ADAM22: variants seen among roughly 807,000 people sequenced by gnomAD.
The protein encoded by ADAM22 is ADAM metallopeptidase domain 22, also known as disintegrin and metalloproteinase domain-containing protein 22.
Under a neutral mutation model 144.6 loss-of-function variants are expected in ADAM22, and 65 were observed. That is an observed-to-expected ratio of 0.45 (90% CI 0.37 to 0.55). The LOEUF is 0.55. Ranked by LOEUF, ADAM22 falls within the 20% of genes least tolerant of loss-of-function variation. ADAM22 has a pLI of 0.00. For synonymous variants in ADAM22, 391 were observed against 412.6 expected (o/e 0.95, Z 0.63); for missense variants, 974 against 1,184.9 (o/e 0.82, Z 2.61).
chr7:88,035,013 AGT>A (rs1473213453), intron 3 of ADAM22, among the ~76,000 whole-genome samples: 1 of 152,084 alleles, frequency 6.6e-6, no homozygotes, highest in Non-Finnish European at 1.5e-5. Flanking sequence ...TTCTTATGTA[AGT>A]GTTTTTCTGT....
chr7:87,934,282 C>CCG lies in ADAM22; in HGVS notation c.-181_-180dup, dbSNP rs1400633494. On this transcript the variant is annotated 5_prime_UTR_variant, in exon 1 of 32. Transcript: ENST00000413139. ...TCGCTCCCCCCGCCAGCGGAAGCGTCCGCGAAGCACAATGCAGCACTGAGC... is the reference window on the plus strand; with the variant it reads ...TCGCTCCCCCCGCCAGCGGAAGCGTCCGCGCGAAGCACAATGCAGCACTGAGC... The CCG allele has an allele frequency of 1.9e-6, 1 of 527,016 alleles. No homozygotes were observed. Among genetic ancestry groups the CCG allele is most frequent in the East Asian group, 3.5e-5 (1 of 28,414 alleles). 32.6% of individuals were successfully genotyped at this position (527,016 alleles called of 1,614,324 possible).
intron 3 of ADAM22, among the ~76,000 whole-genome samples, chr7:88,009,690 A>T (rs1317423983): frequency 1.3e-5 from 2 of 152,162 alleles, no homozygotes; most frequent in East Asian, 3.8e-4. Flanking sequence ...TTCTCTGCTT[A>T]TTATTTTAGA....
chr7:88,077,386 AACAGCTCCAGTCT>A (rs1245857226), intron 4 of ADAM22, among the ~76,000 whole-genome samples: 1 of 152,240 alleles, frequency 6.6e-6, no homozygotes, highest in East Asian at 1.9e-4. Context: ...GGCTGAATAG[AACAGCTCCAGTCT>A]ACAGCTCCCA....
chr7:88,021,198 A>G (rs1284285864), intron 3 of ADAM22, among the ~76,000 whole-genome samples: 3 of 152,188 alleles, frequency 2.0e-5, no homozygotes. Context: ...GTGAATCACA[A>G]GGAAATGGAA....
At chr7:88,050,805 A>G (rs1178568994) in intron 3 of ADAM22, among the ~76,000 whole-genome samples, 1 of 152,160 alleles carries the variant, frequency 6.6e-6, no homozygotes, top group East Asian at 1.9e-4. Context: ...CCCATTCTGT[A>G]GGTTGCCTGT....
intron 4 of ADAM22, among the ~76,000 whole-genome samples, chr7:88,081,430 C>A (rs1224524833): frequency 6.6e-6 from 1 of 152,144 alleles, no homozygotes; most frequent in Non-Finnish European, 1.5e-5. Flanking sequence ...AAAACCGGCA[C>A]AAGACAGGGA....
At chr7:88,130,871 G>C (rs957935564) in intron 10 of ADAM22, among the ~76,000 whole-genome samples, 1 of 152,056 alleles carries the variant, frequency 6.6e-6, no homozygotes, top group African/African-American at 2.4e-5. Flanking sequence ...ATGAGGCTGC[G>C]CTAGTACCTT....
chr7:88,135,573 A>G (rs758077258), intron 13 of ADAM22, among the ~76,000 whole-genome samples: 7 of 152,166 alleles, frequency 4.6e-5, no homozygotes, highest in Non-Finnish European at 7.4e-5. Flanking sequence ...TTCTACCAGA[A>G]ACCTTGGTGT....
intron 30 of ADAM22, among the ~76,000 whole-genome samples, chr7:88,192,816 A>C (rs752813238): frequency 6.6e-6 from 1 of 152,196 alleles, no homozygotes; most frequent in Non-Finnish European, 1.5e-5. Context: ...GAATAATTTC[A>C]TCCCTTCTGC....
chr7:88,093,656 G>T (rs1820522516), intron 4 of ADAM22, among the ~76,000 whole-genome samples: 2 of 151,836 alleles, frequency 1.3e-5, no homozygotes, highest in African/African-American at 4.8e-5. Flanking sequence ...AAGTGATTTT[G>T]CCACCTGAGT....
In ADAM22 at chr7:88,075,769, A is replaced by G. The variant is rs1401358872; in HGVS notation, c.390+77A>G. 4.6e-6 allele frequency: 5 copies of G among 1,095,128 alleles called. No homozygotes were observed. The African/African-American group carries it at 4.8e-5, about 10-fold the overall frequency. 67.8% of individuals were successfully genotyped at this position (1,095,128 alleles called of 1,614,324 possible). On this transcript the variant is annotated intron_variant, in intron 4 of 31. Coordinates refer to ENST00000413139, the MANE Select transcript of ADAM22 (RefSeq NM_001324418.2). ...CTACTGATTATTATTTTAATTTTCA[A>G]TGATATTTCTAATGTACAGTTTTGA...
intron 4 of ADAM22, among the ~76,000 whole-genome samples, chr7:88,076,029 T>A (rs1814367601): frequency 6.6e-6 from 1 of 152,160 alleles, no homozygotes; most frequent in Admixed American, 6.5e-5. Flanking sequence ...ATTTTATTTT[T>A]TTGAGACAAA....
intron 2 of ADAM22, among the ~76,000 whole-genome samples, chr7:87,963,318 G>C (rs570626211): frequency 5.9e-5 from 9 of 152,246 alleles, no homozygotes; most frequent in African/African-American, 2.2e-4. Context: ...GAAGTTCGGA[G>C]CGACAACCCA....
At chr7:88,010,102 A>C (rs1563015280) in intron 3 of ADAM22, among the ~76,000 whole-genome samples, 1 of 151,924 alleles carries the variant, frequency 6.6e-6, no homozygotes, top group Non-Finnish European at 1.5e-5. Context: ...TTGTAAGGGA[A>C]CTGTCCTTGG....
chr7:88,062,717 C>A lies in ADAM22; in HGVS notation c.324-12909C>A, dbSNP rs577692098. ...CTTTCAACATGCCTTCCTCACTAAG[C>A]TTAATTGTGTCTAGCTTTTGATTTA... On this transcript the variant is annotated intron_variant, in intron 3 of 31. Transcript: ENST00000413139. Among the ~76,000 whole-genome samples the A allele has an allele frequency of 8.5e-5, 13 of 152,330 alleles. No homozygotes were observed. In the South Asian group the frequency reaches 2.5e-3, roughly 29 times the overall value.
rs964064094 is a variant in ADAM22 at position 88,027,856 on chromosome 7, A to G, written c.324-47770A>G. Among the ~76,000 whole-genome samples the G allele has an allele frequency of 2.0e-5, 3 of 147,684 alleles. No homozygotes were observed. The East Asian group carries it at 6.0e-4, about 29-fold the overall frequency. Reference sequence around the variant, plus strand: ...TCTTGCTCTGTTGCCCAGAGGCATTATCTTGGCTCACTGCAACCCTACCTC... The same window carrying G: ...TCTTGCTCTGTTGCCCAGAGGCATTGTCTTGGCTCACTGCAACCCTACCTC... On this transcript the variant is annotated intron_variant, in intron 3 of 31. Transcript: ENST00000413139.
chr7:87,999,787 T>C (rs1021408388), intron 3 of ADAM22, among the ~76,000 whole-genome samples: 16 of 152,190 alleles, frequency 1.1e-4, no homozygotes, highest in African/African-American at 3.9e-4. Flanking sequence ...CTCAATTGAA[T>C]ATTTTATCCT....
chr7:88,175,812 T>G (rs930265563), intron 26 of ADAM22, among the ~76,000 whole-genome samples: 3 of 152,182 alleles, frequency 2.0e-5, no homozygotes, highest in African/African-American at 7.2e-5. Context: ...ACTTAGTCAT[T>G]TATGACAACA....
chr7:88,052,420 A>G (rs1806728444), intron 3 of ADAM22, among the ~76,000 whole-genome samples: 1 of 151,840 alleles, frequency 6.6e-6, no homozygotes, highest in African/African-American at 2.4e-5. Flanking sequence ...GAGGCAGGAG[A>G]ACCCGGGAGG....
Sources: gnomAD v4.1 joint callset for allele counts (sites outside exome capture counted in the v4.1 genomes callset) on GRCh38, gnomAD v4.1.1 for gene constraint, MANE v1.5 for transcripts, NCBI Gene and HGNC (gene_info 2026-07-23, HGNC 2026-07-21) for gene names.